PRMT9: variants seen among roughly 807,000 people sequenced by gnomAD.
PRMT9 encodes protein arginine methyltransferase 9.
In PRMT9, 59 loss-of-function variants were observed where a neutral mutation model predicts 83.2. The ratio of observed to expected loss-of-function variants is 0.71; its 90% CI spans 0.57 to 0.88. The LOEUF (loss-of-function observed/expected upper bound fraction) is 0.88. PRMT9 is among the 40% of genes least tolerant of loss of function. PRMT9 has a pLI of 0.00. For missense variants in PRMT9, 947 were observed against 1,021.9 expected, an observed-to-expected ratio of 0.93 and a Z score of 1.00; for synonymous variants, 333 against 353.2, an observed-to-expected ratio of 0.94 and a Z score of 0.64.
intron 11 of PRMT9, 34 bp from the exon 12 acceptor site, chr4:147,638,781 G>C: frequency 1.3e-6 from 2 of 1,498,952 alleles, no homozygotes; most frequent in Middle Eastern, 3.6e-4. Context: ...AAATATCAGA[G>C]TGCATAGAGT....
At position 147,654,517 on chromosome 4, in the gene PRMT9, T is replaced by G; in HGVS notation, c.1380A>C (p.Gln460His). 6.2e-7 allele frequency: 1 copy of G among 1,613,898 alleles called. No homozygotes were observed. Among genetic ancestry groups the G allele is most frequent in the South Asian group, 1.1e-5 (1 of 91,076 alleles). ...GDHVMMEVSC[Q>H]DCYLRIQSIS... ...TACTCTGGATTCTTAAGTAACAGTC[T>G]TGACAAGATACTTCCATCATCACAT... The change falls in exon 9 of 12, where the codon CAA becomes CAC. Residue 460 changes from glutamine to histidine, a missense_variant. Physicochemically the swap from Gln to His is conservative, Grantham distance 24. Coordinates refer to ENST00000322396, the MANE Select transcript of PRMT9 (RefSeq NM_138364.4).
At chr4:147,648,770 C>T (rs903367389) in intron 9 of PRMT9, among the ~76,000 whole-genome samples, 2 of 151,958 alleles carry the variant, frequency 1.3e-5, no homozygotes, top group African/African-American at 4.8e-5. Flanking sequence ...TGTATGCTTG[C>T]AATTTTTTTT....
rs79666177 is a variant in PRMT9, at chr4:147,684,127, G to C, written c.-140C>G. The C allele has an allele frequency of 9.2e-6, 9 of 973,938 alleles. No individual in the cohort carries two copies. The South Asian group carries it at 1.2e-4, about 12-fold the overall frequency. The allele number at this position is 973,938 out of a possible 1,614,324, so 60.3% of individuals were successfully genotyped here. ...GTTACCCTCCGCCGCGGGTGAACTCGCCAACCCCAGCCCAGGCGGAAGCTC... is the reference window on the plus strand; with the variant it reads ...GTTACCCTCCGCCGCGGGTGAACTCCCCAACCCCAGCCCAGGCGGAAGCTC... On this transcript the variant is annotated 5_prime_UTR_variant, in exon 1 of 12. Coordinates refer to ENST00000322396, the MANE Select transcript of PRMT9 (RefSeq NM_138364.4).
chr4:147,656,920 C>T (rs1457869377), intron 8 of PRMT9, among the ~76,000 whole-genome samples: 14 of 151,946 alleles, frequency 9.2e-5, no homozygotes, highest in South Asian at 8.3e-4. Context: ...AGCCACCATA[C>T]CCAGCCTAAA....
chr4:147,638,131 C>A lies in PRMT9; in HGVS notation c.*401G>T. 4.3e-6 allele frequency: 1 copy of A among 231,504 alleles called. No individual in the cohort carries two copies. Among genetic ancestry groups the A allele is most frequent in the Non-Finnish European group, 8.6e-6 (1 of 116,638 alleles). The allele number at this position is 231,504 out of a possible 1,614,324, so 14.3% of individuals were successfully genotyped here. A position where few individuals can be genotyped will look rare whatever the true frequency, so the allele number is the denominator to read the frequency against. On this transcript the variant is annotated 3_prime_UTR_variant, in exon 12 of 12. Coordinates refer to ENST00000322396, the MANE Select transcript of PRMT9 (RefSeq NM_138364.4). ...AGCAAGATTGGAATTTACAGGTAAC[C>A]ATAACCCTCAGTCTTCAGTGGAAGC...
rs1734239830 is a variant in PRMT9, at chr4:147,653,287, A to G, written c.2045+565T>C. On this transcript the variant is annotated intron_variant, in intron 9 of 11. Coordinates refer to ENST00000322396, the MANE Select transcript of PRMT9 (RefSeq NM_138364.4). ...AACATGGTGAAACCCCGTCTCTACT[A>G]AAAATACAAAATTAGCTGGTGGGGT... is the stretch of plus-strand genomic sequence containing the variant. 3.9e-5 allele frequency among the ~76,000 whole-genome samples: 6 copies of G among 152,104 alleles called. No homozygotes were observed. In the South Asian group the frequency reaches 1.2e-3, roughly 32 times the overall value.
rs1735890892 is a variant in PRMT9, at chr4:147,673,754, G to T, written c.459C>A (p.His153Gln). Residue 153 changes from histidine to glutamine, a missense_variant, in exon 3 of 12, where the codon CAC becomes CAA. Coordinates refer to ENST00000322396, the MANE Select transcript of PRMT9 (RefSeq NM_138364.4). ...TCTTGGTGTCATTAAGCATGATAAA[G>T]TGCCAGCGTTCCACCAACCAGTTTG... Reference protein sequence around the residue: ...RVANWLVERWHFIMLNDTKRN... With the variant: ...RVANWLVERWQFIMLNDTKRN... 6.2e-7 allele frequency: 1 copy of T among 1,613,952 alleles called. No individual in the cohort carries two copies. Among genetic ancestry groups the T allele is most frequent in the Non-Finnish European group, 8.5e-7 (1 of 1,179,868 alleles).
intron 9 of PRMT9, among the ~76,000 whole-genome samples, chr4:147,646,579 A>C (rs1184082226): frequency 6.9e-6 from 1 of 145,350 alleles, no homozygotes; most frequent in Non-Finnish European, 1.5e-5. Context: ...ATGCCACTGC[A>C]CTCCAGCCTG....
At chr4:147,657,740 A>G in intron 8 of PRMT9, 52 bp downstream of exon 8, 2 of 1,421,304 alleles carry the variant, frequency 1.4e-6, no homozygotes, top group South Asian at 1.2e-5. Context: ...ACTGACTTGA[A>G]TACTTAGAAG....
rs1163753486 is a variant in PRMT9, at chr4:147,638,492, T to C, written c.*40A>G. On this transcript the variant is annotated 3_prime_UTR_variant, in exon 12 of 12. Transcript: ENST00000322396. ...ATTAAGACAAGAATTTTGTACTTGTTGATGCTCTATTTACACAGTTTTCAT... is the reference window on the plus strand; with the variant it reads ...ATTAAGACAAGAATTTTGTACTTGTCGATGCTCTATTTACACAGTTTTCAT... 6.7e-7 allele frequency: 1 copy of C among 1,491,160 alleles called. No individual in the cohort carries two copies. The highest frequency in any genetic ancestry group is 1.7e-4 in the Middle Eastern group (1 of 5,832). The allele number at this position is 1,491,160 out of a possible 1,614,324, so 92.4% of individuals were successfully genotyped here.
intron 6 of PRMT9, 55 bp downstream of exon 6, chr4:147,668,484 T>G (rs769764544): frequency 1.3e-5 from 13 of 1,038,932 alleles, no homozygotes; most frequent in Non-Finnish European, 1.9e-5. Flanking sequence ...CTTTATAAAT[T>G]ACCCAATCTT....
chr4:147,654,079 T>A lies in PRMT9; in HGVS notation c.1818A>T (p.Pro606=), dbSNP rs150904021. ...VIAGTLGQVK[P]YSSVEKDQHR... The stretch of plus-strand genomic sequence containing the variant: ...GCTGGTCTTTCTCCACAGAACTGTA[T>A]GGTTTAACCTGCCCAAGTGTGCCAG... Residue 606 remains proline, a synonymous_variant, in exon 9 of 12, where the codon CCA becomes CCT. Transcript: ENST00000322396. 6.2e-7 allele frequency: 1 copy of A among 1,614,232 alleles called. No homozygotes were observed. Among genetic ancestry groups the A allele is most frequent in the Non-Finnish European group, 8.5e-7 (1 of 1,180,030 alleles).
intron 4 of PRMT9, 30 bp downstream of exon 4, chr4:147,672,929 A>G (rs2126631361): frequency 6.3e-7 from 1 of 1,587,034 alleles, no homozygotes; most frequent in African/African-American, 1.3e-5. Flanking sequence ...AGAGAAGTAT[A>G]AACACTAAAA....
At chr4:147,655,470 G>C (rs1386063556) in intron 8 of PRMT9, among the ~76,000 whole-genome samples, 2 of 152,044 alleles carry the variant, frequency 1.3e-5, no homozygotes, top group African/African-American at 2.4e-5. Flanking sequence ...GCCTACATGT[G>C]GTAAAATTTT....
intron 2 of PRMT9, among the ~76,000 whole-genome samples, chr4:147,676,961 T>C (rs1309023620): frequency 6.6e-6 from 1 of 151,548 alleles, no homozygotes; most frequent in Non-Finnish European, 1.5e-5. Context: ...TGAAAATTGC[T>C]TGAACCTGGG....
At chr4:147,671,192 T>C (rs902770992) in intron 4 of PRMT9, among the ~76,000 whole-genome samples, 3 of 152,194 alleles carry the variant, frequency 2.0e-5, no homozygotes, top group African/African-American at 4.8e-5. Flanking sequence ...TCTTTCTCAG[T>C]TATCATTTTT....
chr4:147,638,767 A>C lies in PRMT9; in HGVS notation c.2323-20T>G, dbSNP rs760207279. On this transcript the variant is annotated intron_variant, in intron 11 of 11. Transcript: ENST00000322396. ...GTATACCTATGAAAATAAAGAAATT[A>C]GGAAAATATCAGAGTGCATAGAGTA... 4 of 1,571,324 alleles carry C rather than the reference A, an allele frequency of 2.5e-6. No individual in the cohort carries two copies. Among genetic ancestry groups the C allele is most frequent in the Non-Finnish European group, 3.5e-6 (4 of 1,144,994 alleles).
At chr4:147,649,269 A>G (rs1279490576) in intron 9 of PRMT9, among the ~76,000 whole-genome samples, 1 of 152,138 alleles carries the variant, frequency 6.6e-6, no homozygotes. Context: ...CACTCCCATG[A>G]TAATGGCCTT....
chr4:147,665,180 T>A lies in PRMT9; in HGVS notation c.953+3359A>T, dbSNP rs900661672. On this transcript the variant is annotated intron_variant, in intron 6 of 11. Coordinates refer to ENST00000322396, the MANE Select transcript of PRMT9 (RefSeq NM_138364.4). ...GCTTCTTCCCTATATACTTACAATC[T>A]TTCCTTTTGTCGTAATTTGAAAGAT... is the stretch of plus-strand genomic sequence containing the variant. 4.6e-5 allele frequency among the ~76,000 whole-genome samples: 7 copies of A among 151,646 alleles called. No homozygotes were observed. In the South Asian group the frequency reaches 1.5e-3, roughly 32 times the overall value.
Sources: gnomAD v4.1 joint callset for allele counts (sites outside exome capture counted in the v4.1 genomes callset) on GRCh38, gnomAD v4.1.1 for gene constraint, MANE v1.5 for transcripts, NCBI Gene and HGNC (gene_info 2026-07-23, HGNC 2026-07-21) for gene names.